The following TRIM16 variants were observed in gnomAD, a reference collection of about 807,000 sequenced individuals.
The protein encoded by TRIM16 is tripartite motif-containing protein 16.
A neutral mutation model predicts 50.4 loss-of-function variants in TRIM16; 33 were observed. The ratio of observed to expected loss-of-function variants is 0.65; its 90% confidence interval spans 0.50 to 0.88. The LOEUF (loss-of-function observed/expected upper bound fraction) is 0.88, where lower values mean the gene tolerates loss of function less well. Among genes scored for constraint, TRIM16 ranks in the 40% least tolerant of loss-of-function variants. The pLI, the probability that TRIM16 is intolerant of heterozygous loss-of-function variation, is 0.00. For missense variants in TRIM16, 581 were observed against 686.8 expected, an observed-to-expected ratio of 0.85 and a Z score of 1.72; for synonymous variants, 229 against 270.7, an observed-to-expected ratio of 0.85 and a Z score of 1.51.
At chr17:15,633,174 A>C (rs1986519811) in intron 9 of TRIM16, among the ~76,000 whole-genome samples, 6 of 152,116 alleles carry the variant, frequency 3.9e-5, no homozygotes, top group Admixed American at 3.9e-4. Flanking sequence ...ACTGATAATC[A>C]CATAGTTTCA....
intron 8 of TRIM16, among the ~76,000 whole-genome samples, chr17:15,638,240 T>A (rs1333253481): frequency 1.9e-5 from 2 of 107,548 alleles, no homozygotes; most frequent in Non-Finnish European, 3.6e-5. Flanking sequence ...CCAAGAATTA[T>A]CAATAAAAAA....
At chr17:15,666,980 G>A (rs1234613444) in intron 6 of TRIM16, among the ~76,000 whole-genome samples, 2 of 152,198 alleles carry the variant, frequency 1.3e-5, no homozygotes, top group African/African-American at 4.8e-5. Context: ...CCTTGGGGGG[G>A]CGGTGGATGG....
At chr17:15,657,120 A>C (rs1353578788) in intron 6 of TRIM16, among the ~76,000 whole-genome samples, 1 of 152,154 alleles carries the variant, frequency 6.6e-6, no homozygotes, top group African/African-American at 2.4e-5. Context: ...ATTTATTTTT[A>C]TTTTTAATTG....
chr17:15,651,068 A>G, intron 7 of TRIM16, 23 bp downstream of exon 7: 1 of 1,584,738 alleles, frequency 6.3e-7, no homozygotes, highest in African/African-American at 1.3e-5. Flanking sequence ...TCCCAAATGG[A>G]TGAATGGTCC....
At chr17:15,666,976 G>T (rs548799381) in intron 6 of TRIM16, among the ~76,000 whole-genome samples, 24 of 152,304 alleles carry the variant, frequency 1.6e-4, no homozygotes, top group South Asian at 8.3e-4. Flanking sequence ...TCTGCCTTGG[G>T]GGGGCGGTGG....
At chr17:15,629,514 A>G (rs1178566603) in intron 11 of TRIM16, among the ~76,000 whole-genome samples, 2 of 152,292 alleles carry the variant, frequency 1.3e-5, no homozygotes, top group African/African-American at 4.8e-5. Context: ...ACATGTATTG[A>G]ATGCCTGGCA....
At chr17:15,661,026 A>C (rs1988212520) in intron 6 of TRIM16, among the ~76,000 whole-genome samples, 1 of 152,172 alleles carries the variant, frequency 6.6e-6, no homozygotes, top group Non-Finnish European at 1.5e-5. Flanking sequence ...AAGACCTGGT[A>C]AATGGTAGAT....
intron 3 of TRIM16, among the ~76,000 whole-genome samples, chr17:15,682,487 G>A (rs184114406): frequency 7.9e-5 from 12 of 152,342 alleles, no homozygotes; most frequent in Admixed American, 7.8e-4. Context: ...GGATCCCTTT[G>A]TATCTCCTTA....
At chr17:15,665,514 TA>T (rs1474672512) in intron 6 of TRIM16, among the ~76,000 whole-genome samples, 1 of 151,732 alleles carries the variant, frequency 6.6e-6, no homozygotes, top group African/African-American at 2.4e-5. Context: ...ATCTAAAAAA[TA>T]AAAAGAATAA....
At chr17:15,663,532 A>T (rs535489103) in intron 6 of TRIM16, among the ~76,000 whole-genome samples, 3 of 152,302 alleles carry the variant, frequency 2.0e-5, no homozygotes, top group South Asian at 4.2e-4. Context: ...TAAGCCGAGG[A>T]TAAAGAAACA....
intron 1 of TRIM16, chr17:15,683,811 G>A (rs1229096419): frequency 6.6e-6 from 1 of 152,240 alleles, no homozygotes; most frequent in East Asian, 1.9e-4. Flanking sequence ...CCCCTCCTAC[G>A]TTCACACTTC....
At chr17:15,647,911 CA>C (rs990580960) in intron 7 of TRIM16, among the ~76,000 whole-genome samples, 23 of 151,882 alleles carry the variant, frequency 1.5e-4, no homozygotes, top group African/African-American at 5.6e-4. Flanking sequence ...TGGCAGCCAG[CA>C]GGCAAGATCA....
intron 6 of TRIM16, among the ~76,000 whole-genome samples, chr17:15,663,503 A>G (rs1335899808): frequency 6.6e-6 from 1 of 152,212 alleles, no homozygotes; most frequent in African/African-American, 2.4e-5. Context: ...CATGAGAACC[A>G]ACGTGAGGAC....
At chr17:15,641,477 G>A (rs1046518121) in intron 8 of TRIM16, among the ~76,000 whole-genome samples, 6 of 148,682 alleles carry the variant, frequency 4.0e-5, no homozygotes, top group African/African-American at 1.2e-4. Flanking sequence ...TACCTCCCCT[G>A]GTCATCATGT....
chr17:15,666,631 C>T (rs1444330039), intron 6 of TRIM16, among the ~76,000 whole-genome samples: 1 of 152,204 alleles, frequency 6.6e-6, no homozygotes, highest in Non-Finnish European at 1.5e-5. Flanking sequence ...ATTAGTTTTG[C>T]TTGTGCTGGA....
At chr17:15,646,078 C>T (rs148546406) in intron 7 of TRIM16, among the ~76,000 whole-genome samples, 8 of 152,082 alleles carry the variant, frequency 5.3e-5, no homozygotes, top group African/African-American at 1.5e-4. Flanking sequence ...TTGAAGCAGT[C>T]GGCAGCAGCG....
chr17:15,630,232 GTC>G (rs1986346095), intron 11 of TRIM16, among the ~76,000 whole-genome samples: 1 of 152,058 alleles, frequency 6.6e-6, no homozygotes, highest in African/African-American at 2.4e-5. Context: ...CCTACTCTGA[GTC>G]TGGTGAATCC....
At chr17:15,631,565 A>G in intron 11 of TRIM16, 54 bp downstream of exon 11, 18 of 1,577,546 alleles carry the variant, frequency 1.1e-5, no homozygotes, top group Non-Finnish European at 1.6e-5. Context: ...CTGACTTAGC[A>G]AAGCACTGCA....
chr17:15,631,775 T>C (rs1986436349), intron 10 of TRIM16, 61 bp from the exon 11 acceptor site: 23 of 1,535,520 alleles, frequency 1.5e-5, no homozygotes, highest in Non-Finnish European at 1.8e-5. Flanking sequence ...AATCTGCAAA[T>C]CAGGACTTCC....
Sources: allele counts gnomAD v4.1 joint callset (sites outside exome capture counted in the v4.1 genomes callset), GRCh38; gene constraint gnomAD v4.1.1; transcripts MANE v1.5; gene names NCBI Gene and HGNC (gene_info 2026-07-23, HGNC 2026-07-21).